Variants in TIAM1 observed in about 807,000 individuals in gnomAD.
The protein encoded by TIAM1 is rho guanine nucleotide exchange factor TIAM1.
A neutral mutation model predicts 163.5 loss-of-function variants in TIAM1; 65 were observed. The observed-to-expected ratio is 0.40, with a 90% CI of 0.33 to 0.49. The LOEUF is 0.49. Ranked by LOEUF, TIAM1 falls within the 20% of genes least tolerant of loss-of-function variation. The pLI, the probability that TIAM1 is intolerant of heterozygous loss-of-function variation, is 0.77. For synonymous variants in TIAM1, 833 were observed against 810.1 expected (o/e 1.03, Z -0.48); for missense variants, 1,789 against 2,044.7 (o/e 0.87, Z 2.41).
chr21:31,388,913 G>A (rs1356249518), intron 2 of TIAM1, among the ~76,000 whole-genome samples: 1 of 152,174 alleles, frequency 6.6e-6, no homozygotes, highest in Non-Finnish European at 1.5e-5. Context: ...GGGCAACCAC[G>A]GGCTGCCAGC....
At chr21:31,447,335 C>T (rs960116596) in intron 2 of TIAM1, among the ~76,000 whole-genome samples, 1 of 152,004 alleles carries the variant, frequency 6.6e-6, no homozygotes, top group African/African-American at 2.4e-5. Context: ...TCTCAGGAGG[C>T]TGAGGTGGGA....
intron 15 of TIAM1, among the ~76,000 whole-genome samples, chr21:31,168,453 T>C (rs1226748045): frequency 6.6e-6 from 1 of 151,920 alleles, no homozygotes; most frequent in Non-Finnish European, 1.5e-5. Flanking sequence ...CAGGCTGGAG[T>C]GCAGTGGCGC....
At chr21:31,474,202 C>G (rs2045856586) in intron 1 of TIAM1, among the ~76,000 whole-genome samples, 2 of 152,196 alleles carry the variant, frequency 1.3e-5, no homozygotes, top group Admixed American at 1.3e-4. Flanking sequence ...CACCTCCTGC[C>G]AGGCCCCACC....
At chr21:31,374,822 A>G (rs1019221137) in intron 2 of TIAM1, among the ~76,000 whole-genome samples, 1 of 152,262 alleles carries the variant, frequency 6.6e-6, no homozygotes, top group Non-Finnish European at 1.5e-5. Flanking sequence ...GAATATATTT[A>G]TAAAAGAAAA....
At chr21:31,174,099 T>C (rs2084652785) in intron 15 of TIAM1, among the ~76,000 whole-genome samples, 1 of 152,112 alleles carries the variant, frequency 6.6e-6, no homozygotes, top group Non-Finnish European at 1.5e-5. Flanking sequence ...TGGACCATAT[T>C]TGTTTGTGGG....
At chr21:31,297,162 C>T (rs968857659) in intron 2 of TIAM1, among the ~76,000 whole-genome samples, 1 of 152,196 alleles carries the variant, frequency 6.6e-6, no homozygotes, top group Admixed American at 6.5e-5. Context: ...TACAATTTCA[C>T]ATTATATAAA....
At chr21:31,221,057 A>C (rs1163783078) in intron 8 of TIAM1, among the ~76,000 whole-genome samples, 1 of 152,162 alleles carries the variant, frequency 6.6e-6, no homozygotes, top group Non-Finnish European at 1.5e-5. Flanking sequence ...GAAGAAAAAA[A>C]ATTTCTGGAC....
intron 2 of TIAM1, among the ~76,000 whole-genome samples, chr21:31,351,727 G>C (rs1352215996): frequency 6.6e-6 from 1 of 152,136 alleles, no homozygotes; most frequent in Non-Finnish European, 1.5e-5. Context: ...CAAAGATACA[G>C]ACTTCCTCAG....
At chr21:31,247,632 G>A (rs985046944) in intron 5 of TIAM1, among the ~76,000 whole-genome samples, 1 of 152,124 alleles carries the variant, frequency 6.6e-6, no homozygotes, top group African/African-American at 2.4e-5. Flanking sequence ...CTGGCCTCAA[G>A]TGATCCTCCT....
intron 2 of TIAM1, among the ~76,000 whole-genome samples, chr21:31,450,434 ACC>A (rs1266771864): frequency 6.6e-6 from 1 of 152,078 alleles, no homozygotes; most frequent in Non-Finnish European, 1.5e-5. Flanking sequence ...CCTGCCTCCC[ACC>A]CAGATCCGAG....
rs754036548 is a variant in TIAM1, at chr21:31,195,299, T to C, written c.2500A>G (p.Lys834Glu). ...ACTTTTGGACAGATTTCAATTTCTT[T>C]GTACAGCTGAAAGTTACAAAGGGGA... ...PEEDIYELLY[K>E]EIEICPKVTQ... is the part of the protein sequence containing the mutation. The change falls in exon 13 of 28, where the codon AAA (lysine) becomes GAA (glutamate). Residue 834 changes from lysine to glutamate, a missense_variant. Physicochemically the swap from Lys to Glu is moderately conservative, Grantham distance 56 (BLOSUM62 1). Coordinates refer to ENST00000541036, the MANE Select transcript of TIAM1 (RefSeq NM_001353694.2). 1 of 1,611,260 alleles carries C rather than the reference T, an allele frequency of 6.2e-7. No individual in the cohort carries two copies. The highest frequency in any genetic ancestry group is 2.2e-5 in the East Asian group (1 of 44,834).
chr21:31,175,899 T>C (rs1045635847), intron 15 of TIAM1, among the ~76,000 whole-genome samples: 1 of 152,162 alleles, frequency 6.6e-6, no homozygotes, highest in African/African-American at 2.4e-5. Context: ...GCGCCCGGCC[T>C]ATAAAACTTT....
At chr21:31,132,584 C>T (rs1026137809) in intron 23 of TIAM1, among the ~76,000 whole-genome samples, 2 of 152,206 alleles carry the variant, frequency 1.3e-5, no homozygotes, top group South Asian at 4.1e-4. Flanking sequence ...AGAAGCGCCA[C>T]CATGCCACTG....
At chr21:31,477,735 C>T (rs550933401) in intron 1 of TIAM1, among the ~76,000 whole-genome samples, 2 of 152,154 alleles carry the variant, frequency 1.3e-5, no homozygotes, top group Admixed American at 1.3e-4. Flanking sequence ...GATCAGGAAC[C>T]CCAGAGGACA....
intron 2 of TIAM1, among the ~76,000 whole-genome samples, chr21:31,462,459 T>G (rs564810861): frequency 6.6e-6 from 1 of 152,188 alleles, no homozygotes; most frequent in East Asian, 1.9e-4. Context: ...CACCCAGGAG[T>G]ATTCTTGTAA....
chr21:31,417,639 T>C (rs545779792), intron 2 of TIAM1, among the ~76,000 whole-genome samples: 65 of 152,136 alleles, frequency 4.3e-4, no homozygotes, highest in African/African-American at 1.5e-3. Context: ...CCAAACTATA[T>C]CAGTGTCCTA....
intron 2 of TIAM1, among the ~76,000 whole-genome samples, chr21:31,455,273 C>A (rs2045046313): frequency 9.5e-6 from 1 of 105,166 alleles, no homozygotes. Flanking sequence ...GAGTGAAACT[C>A]TGCCTCAAAA....
At chr21:31,148,457 T>A (rs2083235679) in intron 19 of TIAM1, among the ~76,000 whole-genome samples, 1 of 152,216 alleles carries the variant, frequency 6.6e-6, no homozygotes, top group African/African-American at 2.4e-5. Context: ...TGAGGGACTG[T>A]GAGTCCATTA....
chr21:31,547,722 T>C (rs370689724), intron 1 of TIAM1, among the ~76,000 whole-genome samples: 1 of 152,240 alleles, frequency 6.6e-6, no homozygotes, highest in Non-Finnish European at 1.5e-5. Context: ...TAAAATGTCA[T>C]GGTAGACCAT....
Sources: gnomAD v4.1 joint callset for allele counts (sites outside exome capture counted in the v4.1 genomes callset) on GRCh38, gnomAD v4.1.1 for gene constraint, MANE v1.5 for transcripts, NCBI Gene and HGNC (gene_info 2026-07-23, HGNC 2026-07-21) for gene names.